The following BMP2K variants were observed in gnomAD, a reference collection of about 807,000 sequenced individuals.
The protein encoded by BMP2K is BMP-2-inducible protein kinase.
In BMP2K, 74 loss-of-function variants were observed where a neutral mutation model predicts 116.0. The observed-to-expected ratio is 0.64, with a 90% confidence interval of 0.53 to 0.77. BMP2K has a LOEUF of 0.77. Among genes scored for constraint, BMP2K ranks in the 30% least tolerant of loss-of-function variants. BMP2K has a pLI of 0.00. For synonymous variants in BMP2K, 486 were observed against 502.5 expected (o/e 0.97, Z 0.44); for missense variants, 1,365 against 1,403.6 (o/e 0.97, Z 0.44).
intron 9 of BMP2K, among the ~76,000 whole-genome samples, chr4:78,862,771 A>G (rs1173176874): frequency 6.6e-6 from 1 of 152,144 alleles, no homozygotes; most frequent in Non-Finnish European, 1.5e-5. Context: ...CTTTAAAAAT[A>G]TCTTCATTCA....
rs1202310760 is a variant in BMP2K at position 78,910,899 on chromosome 4, T to C, written c.2352T>C (p.His784=). 2 of 1,613,942 alleles carry C rather than the reference T, an allele frequency of 1.2e-6. No homozygotes were observed. Among genetic ancestry groups the C allele is most frequent in the Non-Finnish European group, 1.7e-6 (2 of 1,179,868 alleles). ...ATACTGAACCAGAAAATCTGGGTCATAGGCCTCTCCTCATGGATTCTGAAG... is the reference window on the plus strand; with the variant it reads ...ATACTGAACCAGAAAATCTGGGTCACAGGCCTCTCCTCATGGATTCTGAAG... ...DDDTEPENLG[H]RPLLMDSEDE... Residue 784 remains histidine (H), a synonymous_variant, in exon 16 of 16, where the codon CAT becomes CAC. Transcript: ENST00000502613.
intron 15 of BMP2K, among the ~76,000 whole-genome samples, chr4:78,897,221 ACTTAC>A (rs1237129220): frequency 3.9e-5 from 6 of 152,044 alleles, no homozygotes; most frequent in African/African-American, 9.7e-5. Context: ...ATTTCTGGGA[ACTTAC>A]CTTAAGAAAA....
chr4:78,849,487 A>G (rs1731153064), intron 6 of BMP2K, among the ~76,000 whole-genome samples: 1 of 151,644 alleles, frequency 6.6e-6, no homozygotes, highest in Non-Finnish European at 1.5e-5. Flanking sequence ...ACAAATTCCT[A>G]AAGTTTGATT....
intron 1 of BMP2K, among the ~76,000 whole-genome samples, chr4:78,795,012 G>A (rs1217044286): frequency 6.6e-6 from 1 of 152,154 alleles, no homozygotes; most frequent in Non-Finnish European, 1.5e-5. Flanking sequence ...GTAGATTCTT[G>A]GCTTATGTAA....
intron 12 of BMP2K, 103 bp from the exon 13 acceptor site, chr4:78,872,510 AT>A: frequency 9.8e-7 from 1 of 1,023,868 alleles, no homozygotes; most frequent in Non-Finnish European, 1.3e-6. Context: ...TACGTTTCTG[AT>A]TTTGTCACCA....
rs541628407 is a variant in BMP2K at position 78,881,434 on chromosome 4, G to T, written c.1951+2543G>T. On this transcript the variant is annotated intron_variant, in intron 14 of 15. Transcript: ENST00000502613. The stretch of plus-strand genomic sequence containing the variant: ...TTTCCTTTAATAATTGATACTCATT[G>T]TTCAGTGACTATTTTGGGGTCATTG... 1.6e-4 allele frequency among the ~76,000 whole-genome samples: 24 copies of T among 152,146 alleles called. No individual in the cohort carries two copies. The South Asian group carries it at 4.8e-3, about 30-fold the overall frequency.
intron 4 of BMP2K, among the ~76,000 whole-genome samples, chr4:78,844,016 TTATAA>T (rs1158806965): frequency 1.3e-5 from 2 of 151,834 alleles, no homozygotes; most frequent in Admixed American, 1.3e-4. Context: ...AGAAGAAAAG[TTATAA>T]TAAAACAGTA....
intron 14 of BMP2K, among the ~76,000 whole-genome samples, chr4:78,883,859 C>T (rs1052572294): frequency 1.3e-5 from 2 of 151,390 alleles, no homozygotes; most frequent in East Asian, 1.9e-4. Context: ...GCCAGGAGTT[C>T]GAGACTAGCC....
intron 1 of BMP2K, among the ~76,000 whole-genome samples, chr4:78,794,655 C>T (rs898217731): frequency 3.3e-5 from 5 of 152,012 alleles, no homozygotes; most frequent in African/African-American, 1.2e-4. Context: ...TTTGACCTCC[C>T]GGGCTCAAGC....
chr4:78,858,061 AG>A (rs1731589133), intron 7 of BMP2K, among the ~76,000 whole-genome samples: 1 of 152,012 alleles, frequency 6.6e-6, no homozygotes, highest in South Asian at 2.1e-4. Flanking sequence ...AGTTCTTTAT[AG>A]GACTAAATAT....
chr4:78,872,666 A>T lies in BMP2K; in HGVS notation c.1661A>T (p.Gln554Leu), dbSNP rs1174169551. The change falls in exon 13 of 16, where the codon CAG becomes CTG. Residue 554 changes from glutamine to leucine, a missense_variant. By Grantham distance (113) the Gln-to-Leu change is moderately radical. Coordinates refer to ENST00000502613, the MANE Select transcript of BMP2K (RefSeq NM_198892.2). ...CAACAGCAGATGCTAGCTCAACATC[A>T]GCCGTCTCAACAACAGGCATCACCT... ...FFQQQMLAQHQPSQQQASPEY... is the reference protein window; with the variant it reads ...FFQQQMLAQHLPSQQQASPEY... 3.7e-6 allele frequency: 6 copies of T among 1,614,128 alleles called. No homozygotes were observed. The South Asian group carries it at 6.6e-5, about 18-fold the overall frequency.
chr4:78,880,917 A>G lies in BMP2K; in HGVS notation c.1951+2026A>G, dbSNP rs190833629. ...GCAGGAGGAATTTTATGTGAAGGTT[A>G]GACTTGGAGCAACCTTAGCCATTTG... On this transcript the variant is annotated intron_variant, in intron 14 of 15. Coordinates refer to ENST00000502613, the MANE Select transcript of BMP2K (RefSeq NM_198892.2). Among the ~76,000 whole-genome samples, 112 of 152,364 alleles carry G rather than the reference A, an allele frequency of 7.4e-4. 1 individual carries two copies. Among genetic ancestry groups the G allele is most frequent in the African/African-American group, 2.5e-3 (104 of 41,598 alleles).
Position 78,782,896 on chromosome 4 carries a change from T to C in BMP2K, c.178+6175T>C, listed in dbSNP as rs557397117. Among the ~76,000 whole-genome samples, 8 of 152,328 alleles carry C rather than the reference T, an allele frequency of 5.3e-5. No individual in the cohort carries two copies. The South Asian group carries it at 1.7e-3, about 32-fold the overall frequency. ...CTTACTCAGCACCCTTTTTTGTTGT[T>C]GTTTAATTAAGCTCTTAGAAAACAT... is the stretch of plus-strand genomic sequence containing the variant. On this transcript the variant is annotated intron_variant, in intron 1 of 15. Coordinates refer to ENST00000502613, the MANE Select transcript of BMP2K (RefSeq NM_198892.2).
chr4:78,883,621 C>G (rs1381019209), intron 14 of BMP2K, among the ~76,000 whole-genome samples: 1 of 152,168 alleles, frequency 6.6e-6, no homozygotes, highest in Non-Finnish European at 1.5e-5. Context: ...ATAGTTTTGT[C>G]ATAATTTCAC....
intron 1 of BMP2K, among the ~76,000 whole-genome samples, chr4:78,804,296 T>C (rs1032407676): frequency 2.0e-5 from 3 of 152,244 alleles, no homozygotes; most frequent in African/African-American, 7.2e-5. Context: ...CATTCATTCT[T>C]TTTTATGGCT....
chr4:78,781,358 T>G (rs547040516), intron 1 of BMP2K, among the ~76,000 whole-genome samples: 6 of 152,214 alleles, frequency 3.9e-5, no homozygotes, highest in African/African-American at 1.4e-4. Flanking sequence ...ATAGGAAGTG[T>G]TAGGAATTAC....
chr4:78,784,091 CT>C (rs113787769), intron 1 of BMP2K, among the ~76,000 whole-genome samples: 7,401 of 152,146 alleles, frequency 0.049, 624 homozygotes, highest in African/African-American at 0.17. Flanking sequence ...GACGGATGTC[CT>C]TATGTTGATC....
At chr4:78,832,201 T>C (rs1730241415) in intron 2 of BMP2K, among the ~76,000 whole-genome samples, 1 of 152,148 alleles carries the variant, frequency 6.6e-6, no homozygotes, top group South Asian at 2.1e-4. Flanking sequence ...GTTTCAGTTG[T>C]TTTGGTTATA....
At chr4:78,802,975 A>G (rs1413843957) in intron 1 of BMP2K, among the ~76,000 whole-genome samples, 1 of 151,542 alleles carries the variant, frequency 6.6e-6, no homozygotes, top group African/African-American at 2.4e-5. Context: ...TCAGCTTTCC[A>G]AGTTGCTGGG....
Sources: gnomAD v4.1 joint callset for allele counts (sites outside exome capture counted in the v4.1 genomes callset) on GRCh38, gnomAD v4.1.1 for gene constraint, MANE v1.5 for transcripts, NCBI Gene and HGNC (gene_info 2026-07-23, HGNC 2026-07-21) for gene names.